The following STXBP5L variants were observed in gnomAD, a reference collection of about 807,000 sequenced individuals.
STXBP5L encodes syntaxin-binding protein 5-like.
Under a neutral mutation model 144.5 loss-of-function variants are expected in STXBP5L, and 65 were observed. That is an observed-to-expected ratio of 0.45 (90% CI 0.37 to 0.55). STXBP5L has a LOEUF of 0.55. Among genes scored for constraint, STXBP5L ranks in the 20% least tolerant of loss-of-function variants. STXBP5L has a pLI of 0.00. For missense variants in STXBP5L, 1,298 were observed against 1,405.5 expected, an observed-to-expected ratio of 0.92 and a Z score of 1.22; for synonymous variants, 505 against 469.6, an observed-to-expected ratio of 1.08 and a Z score of -0.97.
At chr3:121,014,061 T>C (rs573138478) in intron 3 of STXBP5L, among the ~76,000 whole-genome samples, 1 of 152,092 alleles carries the variant, frequency 6.6e-6, no homozygotes, top group Non-Finnish European at 1.5e-5. Flanking sequence ...TAGTTTGAAG[T>C]CAGGTAATAT....
At chr3:121,230,102 C>T (rs933074659) in intron 11 of STXBP5L, among the ~76,000 whole-genome samples, 1 of 152,056 alleles carries the variant, frequency 6.6e-6, no homozygotes, top group South Asian at 2.1e-4. Context: ...ATCCCATTTA[C>T]CTTTATTTAT....
intron 5 of STXBP5L, among the ~76,000 whole-genome samples, chr3:121,057,341 CTTTG>C (rs199608854): frequency 2.1e-3 from 313 of 151,820 alleles, no homozygotes; most frequent in African/African-American, 6.4e-3. Flanking sequence ...TTCCCTATTT[CTTTG>C]TTTGTTTGTA....
At chr3:121,204,268 C>T (rs1373086195) in intron 9 of STXBP5L, among the ~76,000 whole-genome samples, 1 of 152,028 alleles carries the variant, frequency 6.6e-6, no homozygotes. Context: ...CAGACAAGTT[C>T]CTGAGCAAAA....
intron 9 of STXBP5L, among the ~76,000 whole-genome samples, chr3:121,195,160 G>A (rs557038257): frequency 5.5e-4 from 84 of 151,912 alleles, no homozygotes; most frequent in Middle Eastern, 3.4e-3. Flanking sequence ...TCTTGACCTC[G>A]TGATCTGCCC....
chr3:121,284,201 A>T (rs1559934874), intron 19 of STXBP5L, among the ~76,000 whole-genome samples: 2 of 151,858 alleles, frequency 1.3e-5, no homozygotes, highest in African/African-American at 2.4e-5. Context: ...TCAGCCCATC[A>T]TTCAGGATCC....
chr3:121,358,440 G>A (rs1406189634), intron 20 of STXBP5L, among the ~76,000 whole-genome samples: 1 of 152,172 alleles, frequency 6.6e-6, no homozygotes, highest in Non-Finnish European at 1.5e-5. Flanking sequence ...GGGAAGCGAG[G>A]CATGTCTTCT....
At chr3:121,313,980 C>T (rs1358920216) in intron 19 of STXBP5L, among the ~76,000 whole-genome samples, 9 of 151,136 alleles carry the variant, frequency 6.0e-5, no homozygotes, top group African/African-American at 1.7e-4. Flanking sequence ...CAGAGGTGCT[C>T]CCCACATCTC....
At chr3:121,169,275 C>G (rs1252351828) in intron 9 of STXBP5L, among the ~76,000 whole-genome samples, 1 of 152,154 alleles carries the variant, frequency 6.6e-6, no homozygotes, top group Non-Finnish European at 1.5e-5. Context: ...GAAGAAACTG[C>G]ATCAACTAAC....
chr3:120,981,482 G>A (rs1163717222), intron 3 of STXBP5L, among the ~76,000 whole-genome samples: 2 of 151,880 alleles, frequency 1.3e-5, no homozygotes, highest in Non-Finnish European at 2.9e-5. Flanking sequence ...TATTATTAGG[G>A]CTTTGATCTC....
At chr3:121,237,486 T>C (rs1384398849) in intron 12 of STXBP5L, among the ~76,000 whole-genome samples, 2 of 152,208 alleles carry the variant, frequency 1.3e-5, no homozygotes, top group African/African-American at 2.4e-5. Context: ...CAAAGATTTC[T>C]GAAATGCCTT....
chr3:121,344,104 A>G (rs2108591352), intron 20 of STXBP5L, among the ~76,000 whole-genome samples: 1 of 151,990 alleles, frequency 6.6e-6, no homozygotes, highest in Middle Eastern at 3.4e-3. Flanking sequence ...ACATATCTAC[A>G]ACTATCTGAT....
At chr3:121,072,086 C>T (rs2041834192) in intron 5 of STXBP5L, among the ~76,000 whole-genome samples, 1 of 152,204 alleles carries the variant, frequency 6.6e-6, no homozygotes. Context: ...TGTACTATTT[C>T]TGTCACAAAT....
chr3:121,009,403 C>G (rs193151843), intron 3 of STXBP5L, among the ~76,000 whole-genome samples: 1 of 151,990 alleles, frequency 6.6e-6, no homozygotes, highest in Non-Finnish European at 1.5e-5. Context: ...TTTATCCTTC[C>G]TCACATTACT....
At chr3:121,396,989 C>G (rs1201461252) in intron 22 of STXBP5L, among the ~76,000 whole-genome samples, 5 of 152,234 alleles carry the variant, frequency 3.3e-5, no homozygotes. Flanking sequence ...ATAGGCATAG[C>G]AAAAGCAGTC....
At chr3:121,125,959 C>G (rs2044686456) in intron 7 of STXBP5L, among the ~76,000 whole-genome samples, 2 of 152,244 alleles carry the variant, frequency 1.3e-5, no homozygotes, top group African/African-American at 4.8e-5. Flanking sequence ...TCATAGTTTT[C>G]TCACATAAAC....
intron 6 of STXBP5L, among the ~76,000 whole-genome samples, chr3:121,115,470 G>T (rs1210644018): frequency 6.6e-6 from 1 of 152,086 alleles, no homozygotes; most frequent in East Asian, 1.9e-4. Flanking sequence ...ATATTGTTCA[G>T]GGCTCAAATA....
intron 5 of STXBP5L, among the ~76,000 whole-genome samples, chr3:121,079,952 T>C (rs911295698): frequency 4.6e-5 from 7 of 152,212 alleles, no homozygotes; most frequent in Admixed American, 1.3e-4. Flanking sequence ...TGTGTTGCTG[T>C]CTATTTTATT....
At chr3:121,019,149 G>A (rs545884805) in intron 3 of STXBP5L, among the ~76,000 whole-genome samples, 5 of 152,070 alleles carry the variant, frequency 3.3e-5, no homozygotes, top group Non-Finnish European at 5.9e-5. Context: ...AGAGGCAGCC[G>A]TAATCCCCCC....
chr3:121,107,004 AC>A (rs1228982700), intron 5 of STXBP5L, among the ~76,000 whole-genome samples: 2 of 151,804 alleles, frequency 1.3e-5, no homozygotes, highest in Non-Finnish European at 2.9e-5. Flanking sequence ...GTGATATTGA[AC>A]TTTTTTTCAT....
Sources: allele counts gnomAD v4.1 joint callset (sites outside exome capture counted in the v4.1 genomes callset), GRCh38; gene constraint gnomAD v4.1.1; transcripts MANE v1.5; gene names NCBI Gene and HGNC (gene_info 2026-07-23, HGNC 2026-07-21).